Variants in CIMAP1A observed in about 807,000 individuals in gnomAD.
CIMAP1A encodes the protein cancer/testis antigen 135.
At chr11:197,340 C>G in the CIMAP1A span, 1 of 1,592,470 alleles carries the variant, frequency 6.3e-7, no homozygotes, top group Non-Finnish European at 8.6e-7. Context: ...CCTGGAGGCC[C>G]CATCGCCCCC....
At chr11:200,013 C>T in the CIMAP1A span, 232 of 1,614,060 alleles carry the variant, frequency 1.4e-4, no homozygotes, top group African/African-American at 2.7e-3. Context: ...CATGACTCCC[C>T]TGCTGGTTGA....
At chr11:198,483 G>A in the CIMAP1A span, 1 of 1,613,308 alleles carries the variant, frequency 6.2e-7, no homozygotes, top group Non-Finnish European at 8.5e-7. Context: ...CGTACATGCT[G>A]CCCATGGTAA....
the CIMAP1A span, chr11:199,407 G>T: frequency 6.3e-7 from 1 of 1,575,308 alleles, no homozygotes; most frequent in East Asian, 2.3e-5. Context: ...CTGATGTGCG[G>T]GTGACCAAGT....
chr11:199,176 A>C, the CIMAP1A span: 1 of 1,423,960 alleles, frequency 7.0e-7, no homozygotes, highest in Non-Finnish European at 9.2e-7. Flanking sequence ...GGAGGAAGTG[A>C]CCCCCACATG....
At chr11:199,320 C>T in the CIMAP1A span, 2 of 1,549,654 alleles carry the variant, frequency 1.3e-6, no homozygotes, top group African/African-American at 2.7e-5. Flanking sequence ...CCTCTAGGGC[C>T]ACACGCCCTG....
At chr11:199,368 G>A in the CIMAP1A span, 1 of 1,568,990 alleles carries the variant, frequency 6.4e-7, no homozygotes, top group Non-Finnish European at 8.6e-7. Context: ...TTACCTCTCA[G>A]ACCCCAGGTC....
chr11:197,351 G>T, the CIMAP1A span: 1 of 1,596,242 alleles, frequency 6.3e-7, no homozygotes, highest in Non-Finnish European at 8.5e-7. Flanking sequence ...CATCGCCCCC[G>T]GGGACCCATC....
chr11:198,852 A>T, the CIMAP1A span: 3 of 1,341,270 alleles, frequency 2.2e-6, no homozygotes, highest in Admixed American at 1.1e-4. Flanking sequence ...CTGGAGAGAG[A>T]GAGGCAATCT....
the CIMAP1A span, chr11:198,486 C>T: frequency 1.9e-6 from 3 of 1,613,296 alleles, no homozygotes; most frequent in East Asian, 6.7e-5. Flanking sequence ...ACATGCTGCC[C>T]ATGGTAATGG....
the CIMAP1A span, chr11:199,110 G>A: frequency 1.1e-5 from 15 of 1,352,754 alleles, no homozygotes; most frequent in African/African-American, 1.5e-5. Flanking sequence ...CACGCTCAGC[G>A]ATGTTCCCAG....
chr11:198,411 G>A, the CIMAP1A span: 2 of 1,613,126 alleles, frequency 1.2e-6, no homozygotes, highest in East Asian at 4.5e-5. Flanking sequence ...GAGAGCCCCA[G>A]GGAAGGAGCA....
chr11:197,307 G>A, the CIMAP1A span: 3 of 1,573,566 alleles, frequency 1.9e-6, no homozygotes, highest in African/African-American at 1.4e-5. Context: ...AGCTGGCCAT[G>A]ACGGAGGAGG....
chr11:197,552 C>A, the CIMAP1A span: 1 of 1,612,304 alleles, frequency 6.2e-7, no homozygotes, highest in Non-Finnish European at 8.5e-7. Context: ...GGGCCCATTG[C>A]GTCCACAGGC....
At chr11:199,611 G>C in the CIMAP1A span, 1 of 1,464,570 alleles carries the variant, frequency 6.8e-7, no homozygotes, top group African/African-American at 1.4e-5. Flanking sequence ...CACAGACGAG[G>C]GGAAACAGGG....
the CIMAP1A span, chr11:199,148 C>A: frequency 1.4e-6 from 2 of 1,406,360 alleles, no homozygotes; most frequent in Non-Finnish European, 1.9e-6. Flanking sequence ...GATGCCATTG[C>A]CAGCGTGAGG....
At chr11:199,035 G>A in the CIMAP1A span, 20 of 1,223,070 alleles carry the variant, frequency 1.6e-5, 1 homozygote, top group African/African-American at 4.6e-5. Context: ...AACAGCCCTC[G>A]TCCATGTTGA....
the CIMAP1A span, chr11:197,755 G>A: frequency 6.2e-7 from 1 of 1,613,456 alleles, no homozygotes; most frequent in South Asian, 1.1e-5. Context: ...GCTGACTCCT[G>A]GTCCAGGTTA....
chr11:197,980 G>A, the CIMAP1A span: 36 of 1,532,128 alleles, frequency 2.3e-5, no homozygotes, highest in African/African-American at 2.3e-4. Context: ...CTGCCAGGCC[G>A]ACGTCAGACC....
chr11:199,662 T>TGGGGTGGGGG, the CIMAP1A span: 4 of 227,656 alleles, frequency 1.8e-5, no homozygotes, highest in African/African-American at 1.2e-4. Context: ...GGTGGAGGGG[T>TGGGGTGGGGG]GGGGTGGGGA....
Sources: gnomAD v4.1 joint callset for allele counts on GRCh38, gnomAD v4.1.1 for gene constraint, MANE v1.5 for transcripts, NCBI Gene and HGNC (gene_info 2026-07-23, HGNC 2026-07-21) for gene names.